Variants in EYS observed in about 807,000 individuals in gnomAD.
EYS encodes protein eyes shut homolog.
In EYS, 250 loss-of-function variants were observed where a neutral mutation model predicts 282.1. That is an observed-to-expected ratio of 0.89 (90% CI 0.80 to 0.98). The LOEUF is 0.98. EYS is among the 50% of genes least tolerant of loss of function. The probability of loss-of-function intolerance (pLI) is 0.00; values close to 1 mark genes in which losing one functional copy is unlikely to be tolerated. For synonymous variants in EYS, 1,355 were observed against 1,282.9 expected (o/e 1.06, Z -1.20); for missense variants, 4,016 against 3,709.0 (o/e 1.08, Z -2.15).
intron 16 of EYS, among the ~76,000 whole-genome samples, chr6:64,911,250 T>C (rs1049283457): frequency 6.6e-6 from 1 of 152,120 alleles, no homozygotes; most frequent in Non-Finnish European, 1.5e-5. Flanking sequence ...CCTTGTATTT[T>C]TTCGTTTTTT....
chr6:65,496,102 A>T (rs1766249430), intron 2 of EYS, 109 bp from the exon 3 acceptor site: 1 of 152,184 alleles, frequency 6.6e-6, no homozygotes, highest in African/African-American at 2.4e-5. Context: ...TCCTTTTATG[A>T]TAATCCAGAG....
chr6:64,388,892 A>C, intron 28 of EYS, 52 bp from the exon 29 acceptor site: 1 of 1,134,524 alleles, frequency 8.8e-7, no homozygotes, highest in Non-Finnish European at 1.2e-6. Flanking sequence ...ATAAACATTT[A>C]TCTGACAAAT....
intron 22 of EYS, among the ~76,000 whole-genome samples, chr6:64,635,311 T>G (rs1006825301): frequency 1.1e-4 from 16 of 152,188 alleles, no homozygotes; most frequent in Non-Finnish European, 2.1e-4. Flanking sequence ...GAATACCCTT[T>G]ATTTCCTTCT....
chr6:65,695,069 A>C (rs2149847406), intron 1 of EYS, among the ~76,000 whole-genome samples: 1 of 152,270 alleles, frequency 6.6e-6, no homozygotes, highest in East Asian at 1.9e-4. Flanking sequence ...TATACATTTT[A>C]CAAGAAAACT....
At chr6:65,654,541 G>T (rs1243484112) in intron 1 of EYS, among the ~76,000 whole-genome samples, 1 of 151,662 alleles carries the variant, frequency 6.6e-6, no homozygotes, top group Non-Finnish European at 1.5e-5. Flanking sequence ...GTTTAAATTT[G>T]GTTTTCCTCA....
At chr6:65,648,228 A>G (rs13208179) in intron 1 of EYS, among the ~76,000 whole-genome samples, 20,328 of 152,112 alleles carry the variant, frequency 0.13, 1,538 homozygotes, top group South Asian at 0.29. Flanking sequence ...ACTTGCACGC[A>G]CATGTTTATA....
chr6:64,518,785 C>CCCG (rs371498939), intron 26 of EYS, among the ~76,000 whole-genome samples: 30 of 146,468 alleles, frequency 2.0e-4, no homozygotes, highest in South Asian at 6.5e-4. Flanking sequence ...AAGGGGCCCC[C>CCCG]CCCTTCTCAG....
chr6:64,294,629 A>C (rs1054779720), intron 30 of EYS, among the ~76,000 whole-genome samples: 1 of 152,198 alleles, frequency 6.6e-6, no homozygotes, highest in Non-Finnish European at 1.5e-5. Context: ...TTCAATTCTC[A>C]TAGTGTCATC....
At chr6:65,382,459 G>GTGTGTGTGTGTGTC (rs1202360075) in intron 8 of EYS, among the ~76,000 whole-genome samples, 3,953 of 102,350 alleles carry the variant, frequency 0.039, 62 homozygotes, top group Non-Finnish European at 0.052. Context: ...CCTTTCCTCT[G>GTGTGTGTGTGTGTC]TGTGTGTGTG....
At chr6:65,609,497 C>A (rs1326685342) in intron 2 of EYS, among the ~76,000 whole-genome samples, 1 of 152,016 alleles carries the variant, frequency 6.6e-6, no homozygotes, top group Non-Finnish European at 1.5e-5. Context: ...AATTGCAAAT[C>A]ATCTTAAAAG....
intron 28 of EYS, among the ~76,000 whole-genome samples, chr6:64,421,588 A>C (rs1445273466): frequency 6.6e-6 from 1 of 152,148 alleles, no homozygotes; most frequent in Non-Finnish European, 1.5e-5. Context: ...ACAAGTAACA[A>C]TTTATCTTTG....
At chr6:63,730,249 A>G (rs1324907702) in intron 41 of EYS, among the ~76,000 whole-genome samples, 1 of 151,948 alleles carries the variant, frequency 6.6e-6, no homozygotes, top group African/African-American at 2.4e-5. Context: ...GCCACTATCA[A>G]CTCTTGATTA....
At chr6:64,263,171 T>A (rs1767644502) in intron 30 of EYS, among the ~76,000 whole-genome samples, 1 of 152,056 alleles carries the variant, frequency 6.6e-6, no homozygotes, top group African/African-American at 2.4e-5. Flanking sequence ...GGATAATTGC[T>A]CAATAAATGT....
At chr6:64,949,581 T>C (rs1419631815) in intron 14 of EYS, among the ~76,000 whole-genome samples, 1 of 151,908 alleles carries the variant, frequency 6.6e-6, no homozygotes, top group Non-Finnish European at 1.5e-5. Flanking sequence ...AACCACATGT[T>C]TGATTAAATA....
chr6:65,633,741 A>G (rs1766998757), intron 2 of EYS, among the ~76,000 whole-genome samples: 1 of 152,218 alleles, frequency 6.6e-6, no homozygotes, highest in Non-Finnish European at 1.5e-5. Flanking sequence ...ACTTTTATAG[A>G]GCAGAGGTCA....
chr6:65,100,208 A>G (rs1774855425), intron 12 of EYS, among the ~76,000 whole-genome samples: 1 of 150,896 alleles, frequency 6.6e-6, no homozygotes, highest in Admixed American at 6.6e-5. Context: ...ATTCTGAAAA[A>G]TAGGCATTAA....
intron 9 of EYS, among the ~76,000 whole-genome samples, chr6:65,345,723 T>C (rs1696716837): frequency 6.6e-6 from 1 of 151,542 alleles, no homozygotes; most frequent in African/African-American, 2.4e-5. Flanking sequence ...ACGTCTTCCC[T>C]CTGCCTCCCA....
chr6:64,307,650 G>T (rs894112157), intron 29 of EYS, among the ~76,000 whole-genome samples: 2 of 152,024 alleles, frequency 1.3e-5, no homozygotes, highest in Non-Finnish European at 2.9e-5. Context: ...TGTAACATGA[G>T]GATTATAGTT....
At chr6:63,907,433 A>G (rs76283328) in intron 35 of EYS, among the ~76,000 whole-genome samples, 3,557 of 152,192 alleles carry the variant, frequency 0.023, 140 homozygotes, top group African/African-American at 0.081. Flanking sequence ...TAAAGCTTTG[A>G]GGTACTCAAT....
Sources: allele counts gnomAD v4.1 joint callset (sites outside exome capture counted in the v4.1 genomes callset), GRCh38; gene constraint gnomAD v4.1.1; transcripts MANE v1.5; gene names NCBI Gene and HGNC (gene_info 2026-07-23, HGNC 2026-07-21).